The following SRPK2 variants were observed in gnomAD, a reference collection of about 807,000 sequenced individuals.
SRPK2 encodes the protein SFRS protein kinase 2.
In SRPK2, 21 loss-of-function variants were observed where a neutral mutation model predicts 90.8. That is an observed-to-expected ratio of 0.23 (90% CI 0.16 to 0.33). The LOEUF is 0.33. Ranked by LOEUF, SRPK2 falls within the 10% of genes least tolerant of loss-of-function variation. SRPK2 has a pLI of 1.00. For synonymous variants in SRPK2, 288 were observed against 311.1 expected (o/e 0.93, Z 0.78); for missense variants, 620 against 869.0 (o/e 0.71, Z 3.60).
At chr7:105,255,263 A>G (rs1803103622) in intron 2 of SRPK2, among the ~76,000 whole-genome samples, 1 of 151,772 alleles carries the variant, frequency 6.6e-6, no homozygotes, top group Non-Finnish European at 1.5e-5. Flanking sequence ...TATGGCTGTC[A>G]AGAAGCTTAA....
intron 2 of SRPK2, among the ~76,000 whole-genome samples, chr7:105,379,575 G>A (rs1409070536): frequency 6.6e-6 from 1 of 152,180 alleles, no homozygotes; most frequent in Non-Finnish European, 1.5e-5. Context: ...AGACTCGGGA[G>A]AGGCATGAGA....
chr7:105,239,398 G>A (rs1431392663), intron 2 of SRPK2, among the ~76,000 whole-genome samples: 3 of 152,100 alleles, frequency 2.0e-5, no homozygotes, highest in South Asian at 4.2e-4. Flanking sequence ...TCTTTGCATA[G>A]GTCACTCAAA....
At chr7:105,283,118 C>T (rs555431469) in intron 2 of SRPK2, among the ~76,000 whole-genome samples, 1 of 152,076 alleles carries the variant, frequency 6.6e-6, no homozygotes, top group Non-Finnish European at 1.5e-5. Context: ...ACCAAGAGGG[C>T]TATAATCGAA....
intron 3 of SRPK2, among the ~76,000 whole-genome samples, chr7:105,175,089 G>A (rs1027845191): frequency 1.3e-5 from 2 of 150,946 alleles, no homozygotes; most frequent in Admixed American, 6.6e-5. Context: ...TTGCGGAGTC[G>A]AGATCACACC....
rs1821999627 is a variant in SRPK2 at position 105,388,916 on chromosome 7, G to C, written c.-110C>G. 3.3e-6 allele frequency: 4 copies of C among 1,212,070 alleles called. No homozygotes were observed. Among genetic ancestry groups the C allele is most frequent in the Non-Finnish European group, 3.1e-6 (3 of 978,262 alleles). 75.1% of individuals were successfully genotyped at this position (1,212,070 alleles called of 1,614,324 possible). A position where few individuals can be genotyped will look rare whatever the true frequency, so the allele number is the denominator to read the frequency against. ...CGCCGGCCGGGAGGAGACGAGAACC[G>C]CGCCTGCGCCGCCGCCGCCGCCGCC... is the stretch of plus-strand genomic sequence containing the variant. On this transcript the variant is annotated 5_prime_UTR_variant, in exon 1 of 16. Coordinates refer to ENST00000393651, the MANE Select transcript of SRPK2 (RefSeq NM_182692.3).
chr7:105,331,327 AAAAAAAAAAAC>A (rs1365591342), intron 2 of SRPK2, among the ~76,000 whole-genome samples: 2 of 149,108 alleles, frequency 1.3e-5, no homozygotes, highest in African/African-American at 4.9e-5. Context: ...AAAAAAAAAA[AAAAAAAAAAAC>A]AAATAGTTAT....
At chr7:105,371,629 G>C (rs923757971) in intron 2 of SRPK2, among the ~76,000 whole-genome samples, 1 of 150,460 alleles carries the variant, frequency 6.6e-6, no homozygotes, top group Non-Finnish European at 1.5e-5. Flanking sequence ...GGTAGGTAGT[G>C]CATGCCTGTA....
chr7:105,330,322 T>A (rs1211896043), intron 2 of SRPK2, among the ~76,000 whole-genome samples: 1 of 151,206 alleles, frequency 6.6e-6, no homozygotes, highest in African/African-American at 2.4e-5. Context: ...GGGTGACAGA[T>A]CGAGACTCTG....
At chr7:105,211,579 T>C (rs371562307) in intron 2 of SRPK2, among the ~76,000 whole-genome samples, 6 of 151,956 alleles carry the variant, frequency 3.9e-5, no homozygotes, top group Admixed American at 1.3e-4. Context: ...GGGGAGGTGC[T>C]ACACACTTTT....
chr7:105,362,849 C>T (rs940313987), intron 2 of SRPK2, among the ~76,000 whole-genome samples: 17 of 152,100 alleles, frequency 1.1e-4, no homozygotes, highest in Admixed American at 7.9e-4. Flanking sequence ...ATATACACCA[C>T]GGAATACTAT....
chr7:105,361,703 T>A (rs1387064087), intron 2 of SRPK2, among the ~76,000 whole-genome samples: 1 of 152,104 alleles, frequency 6.6e-6, no homozygotes, highest in African/African-American at 2.4e-5. Context: ...TTGACAAACC[T>A]GACAAAAACA....
At chr7:105,114,827 T>TAATC (rs1285023587), downstream of SRPK2, among the ~76,000 whole-genome samples, 8 of 152,232 alleles carry the variant, frequency 5.3e-5, no homozygotes, top group South Asian at 2.1e-4. Flanking sequence ...GGCTCAATCC[T>TAATC]AATCACAGCT....
chr7:105,142,185 T>C lies in SRPK2; in HGVS notation c.1366A>G (p.Ile456Val). The C allele has an allele frequency of 6.2e-7, 1 of 1,614,114 alleles. No homozygotes were observed. The highest frequency in any genetic ancestry group is 8.5e-7 in the Non-Finnish European group (1 of 1,180,038). The change falls in exon 11 of 16, where the codon ATT becomes GTT. Residue 456 changes from isoleucine to valine, a missense_variant. Transcript: ENST00000393651. Reference protein sequence around the residue: ...NGELPNGRHKIPESQFPEFST... With the variant: ...NGELPNGRHKVPESQFPEFST... Reference sequence around the variant, plus strand: ...AACTCTGGGAACTGTGACTCGGGAATTTTATGTCGTCCATTTGGCAATTCA... The same window carrying C: ...AACTCTGGGAACTGTGACTCGGGAACTTTATGTCGTCCATTTGGCAATTCA...
At chr7:105,163,830 C>A (rs1476101513) in intron 6 of SRPK2, among the ~76,000 whole-genome samples, 1 of 151,876 alleles carries the variant, frequency 6.6e-6, no homozygotes, top group East Asian at 1.9e-4. Flanking sequence ...AAAAAGTTTG[C>A]ACCCTAATTG....
chr7:105,306,647 T>G (rs895802748), intron 2 of SRPK2: 1 of 369,854 alleles, frequency 2.7e-6, no homozygotes, highest in African/African-American at 2.1e-5. Flanking sequence ...AGATGCCACC[T>G]TCAGTTGGAA....
At chr7:105,287,459 G>T (rs1194405774) in intron 2 of SRPK2, among the ~76,000 whole-genome samples, 2 of 152,064 alleles carry the variant, frequency 1.3e-5, no homozygotes, top group Non-Finnish European at 2.9e-5. Flanking sequence ...GGAAATGGCT[G>T]GGTGCAGTGG....
chr7:105,239,354 C>T (rs1473055270), intron 2 of SRPK2, among the ~76,000 whole-genome samples: 3 of 152,126 alleles, frequency 2.0e-5, no homozygotes, highest in Non-Finnish European at 4.4e-5. Context: ...TCCTTCCTTC[C>T]TATTAAGTCA....
chr7:105,192,096 G>C (rs1794370773), intron 3 of SRPK2, among the ~76,000 whole-genome samples: 1 of 151,078 alleles, frequency 6.6e-6, no homozygotes, highest in African/African-American at 2.4e-5. Flanking sequence ...GGAACAGGTG[G>C]TGTTTGGTTA....
chr7:105,297,482 G>T (rs896521135), intron 2 of SRPK2: 4 of 985,298 alleles, frequency 4.1e-6, no homozygotes, highest in Admixed American at 6.1e-5. Context: ...GTGGCCATCT[G>T]GCCCCTCAGA....
Sources: allele counts gnomAD v4.1 joint callset (sites outside exome capture counted in the v4.1 genomes callset), GRCh38; gene constraint gnomAD v4.1.1; transcripts MANE v1.5; gene names NCBI Gene and HGNC (gene_info 2026-07-23, HGNC 2026-07-21).